NCOA1: variants seen among roughly 807,000 people sequenced by gnomAD.
The protein encoded by NCOA1 is nuclear receptor coactivator 1, also known as Hin-2 protein.
A neutral mutation model predicts 150.9 loss-of-function variants in NCOA1; 35 were observed. The ratio of observed to expected loss-of-function variants is 0.23; its 90% CI spans 0.18 to 0.31. The LOEUF is 0.31. Ranked by LOEUF, NCOA1 falls within the 10% of genes least tolerant of loss-of-function variation. The probability of loss-of-function intolerance (pLI) is 1.00; values close to 1 mark genes in which losing one functional copy is unlikely to be tolerated. For synonymous variants in NCOA1, 590 were observed against 630.0 expected, an observed-to-expected ratio of 0.94 and a Z score of 0.95; for missense variants, 1,491 against 1,749.3, an observed-to-expected ratio of 0.85 and a Z score of 2.63.
At chr2:24,630,274 G>A (rs1399616006) in intron 3 of NCOA1, among the ~76,000 whole-genome samples, 2 of 152,222 alleles carry the variant, frequency 1.3e-5, no homozygotes, top group African/African-American at 4.8e-5. Context: ...TTGAACTCCA[G>A]AATCTATACT....
chr2:24,663,699 A>G (rs1671286304), intron 5 of NCOA1, among the ~76,000 whole-genome samples: 2 of 152,166 alleles, frequency 1.3e-5, no homozygotes, highest in Admixed American at 6.5e-5. Context: ...CTTTGAACAT[A>G]TCTGCCCTCA....
chr2:24,718,155 T>C (rs907338145), intron 14 of NCOA1, among the ~76,000 whole-genome samples: 11 of 152,104 alleles, frequency 7.2e-5, no homozygotes, highest in Non-Finnish European at 1.3e-4. Flanking sequence ...CCGCCTTGGC[T>C]TCCCAAAGTG....
intron 6 of NCOA1, among the ~76,000 whole-genome samples, chr2:24,666,633 C>A (rs1671442181): frequency 8.2e-6 from 1 of 122,570 alleles, no homozygotes; most frequent in Non-Finnish European, 1.9e-5. Context: ...TCTGAAAAAA[C>A]CCGGATTTTT....
At chr2:24,709,597 G>A (rs1213359551) in intron 13 of NCOA1, among the ~76,000 whole-genome samples, 3 of 152,038 alleles carry the variant, frequency 2.0e-5, no homozygotes, top group Non-Finnish European at 4.4e-5. Context: ...TAGTGCTAAG[G>A]CTTACCTTTT....
chr2:24,537,955 G>A (rs1054676747), intron 1 of NCOA1, among the ~76,000 whole-genome samples: 1 of 152,154 alleles, frequency 6.6e-6, no homozygotes, highest in Non-Finnish European at 1.5e-5. Context: ...ACAATCCATA[G>A]CAAAAACAAA....
At chr2:24,718,428 A>T (rs1674169092) in intron 14 of NCOA1, among the ~76,000 whole-genome samples, 1 of 152,186 alleles carries the variant, frequency 6.6e-6, no homozygotes, top group African/African-American at 2.4e-5. Context: ...TTAATCATAC[A>T]TTTACCATGT....
At chr2:24,589,560 T>C (rs1224097867) in intron 3 of NCOA1, among the ~76,000 whole-genome samples, 1 of 152,178 alleles carries the variant, frequency 6.6e-6, no homozygotes, top group African/African-American at 2.4e-5. Context: ...CCTGTGTTTC[T>C]GTGCATATAT....
At chr2:24,551,372 G>A (rs1336071876) in intron 1 of NCOA1, among the ~76,000 whole-genome samples, 1 of 151,996 alleles carries the variant, frequency 6.6e-6, no homozygotes, top group Non-Finnish European at 1.5e-5. Flanking sequence ...TTCATCAGAT[G>A]TTTGTTTTGC....
intron 3 of NCOA1, among the ~76,000 whole-genome samples, chr2:24,587,484 A>G (rs1312643696): frequency 3.9e-5 from 6 of 152,184 alleles, no homozygotes; most frequent in Non-Finnish European, 1.5e-5. Context: ...TGAAAGTCAC[A>G]TTATTTCATT....
chr2:24,697,093 C>A (rs55953251), intron 10 of NCOA1, among the ~76,000 whole-genome samples: 2 of 151,966 alleles, frequency 1.3e-5, no homozygotes, highest in Non-Finnish European at 2.9e-5. Context: ...GCGTATGTTC[C>A]GTGTGCATAC....
intron 1 of NCOA1, among the ~76,000 whole-genome samples, chr2:24,502,303 A>G (rs1264261236): frequency 6.6e-6 from 1 of 152,176 alleles, no homozygotes; most frequent in Non-Finnish European, 1.5e-5. Flanking sequence ...CTGATTTGAC[A>G]TATGCTAAAA....
At chr2:24,574,804 C>T (rs761479463) in intron 2 of NCOA1, among the ~76,000 whole-genome samples, 13 of 152,052 alleles carry the variant, frequency 8.5e-5, no homozygotes, top group African/African-American at 2.7e-4. Context: ...TCCAATCTTG[C>T]GCCATTGTTT....
rs112066491 is a variant in NCOA1 at position 24,661,433 on chromosome 2, A to T, written c.89+2667A>T. ...ATTAACCTTTTCTTGTTTATAACTG[A>T]TGCAAGTATCTTCTCCCAACCTGTT... On this transcript the variant is annotated intron_variant, in intron 5 of 22. Coordinates refer to ENST00000348332, the MANE Select transcript of NCOA1 (RefSeq NM_003743.5). Among the ~76,000 whole-genome samples, 221 of 152,254 alleles carry T rather than the reference A, an allele frequency of 1.5e-3. 3 individuals are homozygous for T. Among genetic ancestry groups the T allele is most frequent in the African/African-American group, 5.2e-3 (216 of 41,546 alleles).
intron 1 of NCOA1, among the ~76,000 whole-genome samples, chr2:24,494,932 A>T (rs2148059299): frequency 6.6e-6 from 1 of 152,306 alleles, no homozygotes; most frequent in African/African-American, 2.4e-5. Flanking sequence ...TTCTATTCTT[A>T]ACATTGAAGA....
At chr2:24,666,019 TATTA>T (rs1558886241) in intron 6 of NCOA1, 104 bp downstream of exon 6, 126 of 723,716 alleles carry the variant, frequency 1.7e-4, no homozygotes, top group Middle Eastern at 6.0e-4. Flanking sequence ...TTATTATTAT[TATTA>T]TTTTTTGAGA....
intron 22 of NCOA1, among the ~76,000 whole-genome samples, chr2:24,765,896 C>CT (rs773857143): frequency 0.014 from 1,781 of 128,020 alleles, 58 homozygotes; most frequent in African/African-American, 0.036. Flanking sequence ...CAATAATACA[C>CT]TTTTTTTTTT....
At chr2:24,533,878 C>A (rs1249508185) in intron 1 of NCOA1, among the ~76,000 whole-genome samples, 3 of 152,172 alleles carry the variant, frequency 2.0e-5, no homozygotes, top group African/African-American at 7.2e-5. Flanking sequence ...CATCGTTGTT[C>A]ATCAGGGATA....
At chr2:24,637,927 C>T (rs1395659317) in intron 3 of NCOA1, among the ~76,000 whole-genome samples, 4 of 152,126 alleles carry the variant, frequency 2.6e-5, no homozygotes, top group Non-Finnish European at 5.9e-5. Context: ...AACTCCCGAG[C>T]TCAAGTGATC....
chr2:24,691,445 A>G (rs1437854951), intron 8 of NCOA1, 36 bp from the exon 9 acceptor site: 12 of 1,594,240 alleles, frequency 7.5e-6, no homozygotes, highest in East Asian at 4.5e-5. Context: ...CTTTTTCACC[A>G]TATTCGCAAG....
Sources: allele counts gnomAD v4.1 joint callset (sites outside exome capture counted in the v4.1 genomes callset), GRCh38; gene constraint gnomAD v4.1.1; transcripts MANE v1.5; gene names NCBI Gene and HGNC (gene_info 2026-07-23, HGNC 2026-07-21).